Variants in PAPPA observed in about 807,000 individuals in gnomAD.
PAPPA encodes the protein pappalysin 1, also known as pappalysin-1.
Under a neutral mutation model 164.0 loss-of-function variants are expected in PAPPA, and 60 were observed. The observed-to-expected ratio is 0.37, with a 90% CI of 0.30 to 0.45. The LOEUF is 0.45. Among genes scored for constraint, PAPPA ranks in the 20% least tolerant of loss-of-function variants. The pLI, the probability that PAPPA is intolerant of heterozygous loss-of-function variation, is 1.00. For synonymous variants in PAPPA, 875 were observed against 814.1 expected (o/e 1.07, Z -1.27); for missense variants, 1,782 against 2,087.3 (o/e 0.85, Z 2.85).
At chr9:116,365,089 C>T (rs1261763649) in intron 18 of PAPPA, among the ~76,000 whole-genome samples, 6 of 152,176 alleles carry the variant, frequency 3.9e-5, no homozygotes, top group Admixed American at 6.5e-5. Context: ...CCTCCAAATG[C>T]GCCTGACTTC....
Position 116,349,294 on chromosome 9 carries a change from A to G in PAPPA, c.3964+2085A>G, listed in dbSNP as rs535071757. 9.2e-5 allele frequency among the ~76,000 whole-genome samples: 14 copies of G among 152,362 alleles called. No individual in the cohort carries two copies. The South Asian group carries it at 2.9e-3, about 32-fold the overall frequency. ...ATGCTAGAGATGGACAAGAACTCAG[A>G]GACAGCTTTGGTTTAGGGACAAACA... On this transcript the variant is annotated intron_variant, in intron 15 of 21. Coordinates refer to ENST00000328252, the MANE Select transcript of PAPPA (RefSeq NM_002581.5).
At chr9:116,210,014 A>AT (rs900873354) in intron 3 of PAPPA, among the ~76,000 whole-genome samples, 1 of 151,768 alleles carries the variant, frequency 6.6e-6, no homozygotes, top group African/African-American at 2.4e-5. Flanking sequence ...TTACAACCAT[A>AT]TTTTTCCCCT....
chr9:116,176,965 A>ACC (rs3037574), intron 1 of PAPPA, among the ~76,000 whole-genome samples: 9 of 129,994 alleles, frequency 6.9e-5, no homozygotes, highest in East Asian at 2.8e-4. Context: ...GAGAGGAAAG[A>ACC]CCCCCCCCCC....
chr9:116,222,713 G>A (rs574205972), intron 5 of PAPPA, among the ~76,000 whole-genome samples: 21 of 146,010 alleles, frequency 1.4e-4, no homozygotes, highest in African/African-American at 2.5e-4. Flanking sequence ...GGAAAGGGAC[G>A]ATGTTGATCA....
chr9:116,186,253 T>G (rs1843968656), intron 1 of PAPPA, among the ~76,000 whole-genome samples: 2 of 147,500 alleles, frequency 1.4e-5, no homozygotes, highest in African/African-American at 2.5e-5. Flanking sequence ...TATCTATATA[T>G]CTATATAGAT....
intron 16 of PAPPA, 80 bp downstream of exon 16, chr9:116,352,996 CT>C (rs913093473): frequency 9.9e-7 from 1 of 1,006,586 alleles, no homozygotes; most frequent in African/African-American, 1.6e-5. Context: ...GACGGAAGCA[CT>C]CATTTCTTCA....
At position 116,154,514 on chromosome 9, in the gene PAPPA, GCC is replaced by G; in HGVS notation, c.345_346del (p.Arg116GlyfsTer26). 7.2e-7 allele frequency: 1 copy of G among 1,395,200 alleles called. No individual in the cohort carries two copies. 86.4% of individuals were successfully genotyped at this position (1,395,200 alleles called of 1,614,324 possible). On this transcript the variant is annotated frameshift_variant, in exon 1 of 22. Transcript: ENST00000328252. LOFTEE classifies it high-confidence loss of function. The surrounding 1 kb of genome is among the most constrained non-coding windows in gnomAD (Gnocchi z 5.2). ...QLRLRADLEL[P>X]RDAFTLQVWL... ...TGCGCCTCCGGGCCGACCTCGAGCT[GCC>G]CCGGGACGCGTTCACGCTGCAAGTG... is the stretch of plus-strand genomic sequence containing the variant.
At chr9:116,376,053 G>A (rs1338619452) in intron 19 of PAPPA, among the ~76,000 whole-genome samples, 2 of 136,912 alleles carry the variant, frequency 1.5e-5, no homozygotes, top group Non-Finnish European at 3.0e-5. Flanking sequence ...ACGGAGTCTC[G>A]CTCTGTCGCC....
At chr9:116,186,206 ATG>A (rs3037575) in intron 1 of PAPPA, among the ~76,000 whole-genome samples, 84,941 of 145,034 alleles carry the variant, frequency 0.59, 27,869 homozygotes, top group Non-Finnish European at 0.75. Flanking sequence ...CACTCATTAT[ATG>A]TGTGTGTGTG....
intron 21 of PAPPA, among the ~76,000 whole-genome samples, chr9:116,389,386 T>G (rs1846860530): frequency 6.6e-6 from 1 of 152,034 alleles, no homozygotes; most frequent in Non-Finnish European, 1.5e-5. Flanking sequence ...TCCTTTTAAA[T>G]CCAGTCAGAT....
intron 10 of PAPPA, among the ~76,000 whole-genome samples, chr9:116,305,467 TCTCTCA>T (rs1040336890): frequency 6.6e-4 from 40 of 60,454 alleles, no homozygotes; most frequent in African/African-American, 1.4e-3. Flanking sequence ...TCTCTCTCTC[TCTCTCA>T]CACACACACA....
At chr9:116,180,120 C>T (rs751915424) in intron 1 of PAPPA, among the ~76,000 whole-genome samples, 1 of 152,116 alleles carries the variant, frequency 6.6e-6, no homozygotes, top group Non-Finnish European at 1.5e-5. Context: ...TACCTGTAAT[C>T]GCTGGGATCT....
intron 9 of PAPPA, among the ~76,000 whole-genome samples, chr9:116,294,374 T>C (rs1014777287): frequency 5.3e-5 from 8 of 152,318 alleles, no homozygotes; most frequent in African/African-American, 1.7e-4. Context: ...AGCAGATTCA[T>C]GGTTCCTTAG....
chr9:116,346,930 G>A (rs971505399), intron 14 of PAPPA, 96 bp from the exon 15 acceptor site: 5 of 966,912 alleles, frequency 5.2e-6, no homozygotes, highest in African/African-American at 5.0e-5. Context: ...CTAGTGCCTG[G>A]GCGAGACTCT....
At position 116,382,471 on chromosome 9, in the gene PAPPA, C is replaced by T. The variant is rs145314311; in HGVS notation, c.4754C>T (p.Thr1585Ile). ...FCNYDGGDCC[T>I]STVKTKKVTP... ...AACTATGACGGTGGGGATTGCTGCA[C>T]CTCCACAGTGAAGACCAAAAAGGTA... Residue 1585 changes from threonine (T) to isoleucine (I), a missense_variant, in exon 21 of 22, where the codon ACC becomes ATC. By Grantham distance (89) the Thr-to-Ile change is moderately conservative (BLOSUM62 -1). Around this residue, in one of 2 missense-constraint regions of PAPPA, gnomAD observed 1,324 missense variants for 1,656.9 expected, o/e 0.80. Coordinates refer to ENST00000328252, the MANE Select transcript of PAPPA (RefSeq NM_002581.5). 2.4e-4 allele frequency: 380 copies of T among 1,612,894 alleles called. No homozygotes were observed. In the East Asian group the frequency reaches 7.6e-3, roughly 32 times the overall value.
At chr9:116,372,120 G>C (rs1438327353) in intron 19 of PAPPA, among the ~76,000 whole-genome samples, 2 of 152,134 alleles carry the variant, frequency 1.3e-5, no homozygotes, top group African/African-American at 2.4e-5. Context: ...TAGAGGTACA[G>C]AGAACTCTTC....
At chr9:116,247,378 C>T (rs540122923) in intron 7 of PAPPA, among the ~76,000 whole-genome samples, 1 of 152,256 alleles carries the variant, frequency 6.6e-6, no homozygotes, top group South Asian at 2.1e-4. Flanking sequence ...TTTATGTAGT[C>T]TATTCTGACA....
At chr9:116,394,930 A>G (rs781140541) in intron 21 of PAPPA, among the ~76,000 whole-genome samples, 22 of 152,218 alleles carry the variant, frequency 1.4e-4, no homozygotes, top group Admixed American at 1.1e-3. Flanking sequence ...GGAATAAACA[A>G]GATTGACCTG....
At chr9:116,372,530 A>G (rs927625706) in intron 19 of PAPPA, among the ~76,000 whole-genome samples, 1 of 152,172 alleles carries the variant, frequency 6.6e-6, no homozygotes, top group Admixed American at 6.5e-5. Flanking sequence ...CTGGAGACCT[A>G]GAATTCTGGG....
Sources: gnomAD v4.1 joint callset for allele counts (sites outside exome capture counted in the v4.1 genomes callset) on GRCh38, gnomAD v4.1.1 for gene constraint, gnomAD v4.1.1 regional missense constraint, Gnocchi (gnomAD v3.1) non-coding constraint, MANE v1.5 for transcripts, NCBI Gene and HGNC (gene_info 2026-07-23, HGNC 2026-07-21) for gene names.